Variants in FREM2 observed in about 807,000 individuals in gnomAD.
FREM2 encodes the protein FRAS1-related extracellular matrix protein 2.
FREM2 carries 119 observed loss-of-function variants against 219.9 expected under a neutral mutation model. That is an observed-to-expected ratio of 0.54 (90% CI 0.47 to 0.63). FREM2 has a LOEUF of 0.63. Ranked by LOEUF, FREM2 falls within the 30% of genes least tolerant of loss-of-function variation. The probability of loss-of-function intolerance (pLI) is 0.00; values close to 1 mark genes in which losing one functional copy is unlikely to be tolerated. For synonymous variants in FREM2, 1,562 were observed against 1,522.8 expected, an observed-to-expected ratio of 1.03 and a Z score of -0.60; for missense variants, 4,030 against 3,993.6, an observed-to-expected ratio of 1.01 and a Z score of -0.25.
At chr13:38,722,159 C>T (rs533473180) in intron 2 of FREM2, among the ~76,000 whole-genome samples, 3 of 151,962 alleles carry the variant, frequency 2.0e-5, no homozygotes, top group East Asian at 1.9e-4. Flanking sequence ...AGCTGAGCAC[C>T]GTGCCTGGTT....
At chr13:38,833,903 A>G (rs1262959884) in intron 6 of FREM2, among the ~76,000 whole-genome samples, 1 of 152,092 alleles carries the variant, frequency 6.6e-6, no homozygotes, top group Non-Finnish European at 1.5e-5. Context: ...GTTCTGCTTC[A>G]TTTTTAGTCC....
chr13:38,810,726 T>A (rs1282457716), intron 6 of FREM2, among the ~76,000 whole-genome samples: 1 of 152,032 alleles, frequency 6.6e-6, no homozygotes, highest in Non-Finnish European at 1.5e-5. Flanking sequence ...TTCTAGTATT[T>A]CATTGAGGAT....
chr13:38,688,659 C>T lies in FREM2; in HGVS notation c.1315C>T (p.Pro439Ser). 6.2e-7 allele frequency: 1 copy of T among 1,614,164 alleles called. No individual in the cohort carries two copies. Among genetic ancestry groups the T allele is most frequent in the Non-Finnish European group, 8.5e-7 (1 of 1,180,024 alleles). ...VVVKPMNTMA[P>S]VVTRNTGLIL... Reference sequence around the variant, plus strand: ...GGTGAAGCCCATGAACACAATGGCTCCGGTGGTCACCCGGAATACCGGTCT... The same window carrying T: ...GGTGAAGCCCATGAACACAATGGCTTCGGTGGTCACCCGGAATACCGGTCT... Residue 439 changes from proline (P) to serine (S), a missense_variant, in exon 1 of 24, where the codon CCG (proline) becomes TCG (serine). Pro to Ser is a moderately conservative substitution (Grantham distance 74). Transcript: ENST00000280481.
chr13:38,857,890 G>C lies in FREM2; in HGVS notation c.7072G>C (p.Val2358Leu), dbSNP rs2137918799. ...TTCCTTCTAGTTGACGAAAGCCATT[G>C]TGTACATAGAAGAAATGAGCAGCAT... ...IAEMQLTKAIVYIEEMSSMAD... is the reference protein window; with the variant it reads ...IAEMQLTKAILYIEEMSSMAD... Residue 2358 changes from valine (V) to leucine (L), a missense_variant, in exon 13 of 24, where the codon GTG becomes CTG. Transcript: ENST00000280481. 6.2e-7 allele frequency: 1 copy of C among 1,613,660 alleles called. No homozygotes were observed. Among genetic ancestry groups the C allele is most frequent in the Non-Finnish European group, 8.5e-7 (1 of 1,179,574 alleles).
At chr13:38,775,556 A>AT (rs1873839485) in intron 4 of FREM2, among the ~76,000 whole-genome samples, 1 of 152,220 alleles carries the variant, frequency 6.6e-6, no homozygotes, top group Non-Finnish European at 1.5e-5. Context: ...CTTTCTGGAA[A>AT]TTTCTCCATT....
At position 38,880,402 on chromosome 13, in the gene FREM2, A is replaced by G. The variant is rs200408567; in HGVS notation, c.9125A>G (p.Lys3042Arg). Residue 3042 changes from lysine (K) to arginine (R), a missense_variant, in exon 24 of 24, where the codon AAG (lysine) becomes AGG (arginine). By Grantham distance (26) the Lys-to-Arg change is conservative. Around this residue, in one of 2 missense-constraint regions of FREM2, gnomAD observed 928 missense variants for 1,042.9 expected, o/e 0.89. Transcript: ENST00000280481. Reference protein sequence around the residue: ...VEYHSLVSQGKPQSTTKSRKK... With the variant: ...VEYHSLVSQGRPQSTTKSRKK... ...TACCATTCTCTGGTGAGTCAAGGAA[A>G]GCCCCAATCCACCACCAAGAGCCGG... 49 of 1,614,050 alleles carry G rather than the reference A, an allele frequency of 3.0e-5. No individual in the cohort carries two copies. Among genetic ancestry groups the G allele is most frequent in the Non-Finnish European group, 4.2e-5 (49 of 1,180,034 alleles).
chr13:38,689,018 C>G lies in FREM2; in HGVS notation c.1674C>G (p.Asp558Glu), dbSNP rs774352198. 1 of 1,613,920 alleles carries G rather than the reference C, an allele frequency of 6.2e-7. No homozygotes were observed. The highest frequency in any genetic ancestry group is 8.5e-7 in the Non-Finnish European group (1 of 1,179,916). ...CCATCACCTTAGTGCCTGTGGATGA[C>G]CAGCCACCTGTTCTCAATGCCAACA... Reference protein sequence around the residue: ...LFPITLVPVDDQPPVLNANTG... With the variant: ...LFPITLVPVDEQPPVLNANTG... The change falls in exon 1 of 24, where the codon GAC becomes GAG. Residue 558 changes from aspartate (D) to glutamate (E), a missense_variant. Physicochemically the swap from Asp to Glu is conservative, Grantham distance 45 (BLOSUM62 2). Transcript: ENST00000280481.
At chr13:38,822,653 A>G (rs1876113517) in intron 6 of FREM2, among the ~76,000 whole-genome samples, 1 of 151,984 alleles carries the variant, frequency 6.6e-6, no homozygotes, top group South Asian at 2.1e-4. Context: ...CCTCCCAACA[A>G]ACCTAGCATG....
intron 3 of FREM2, among the ~76,000 whole-genome samples, chr13:38,764,818 CTAA>C (rs1873370613): frequency 6.6e-6 from 1 of 152,202 alleles, no homozygotes; most frequent in African/African-American, 2.4e-5. Context: ...TTGTTAAATA[CTAA>C]TGATTTTCTT....
chr13:38,796,355 A>G (rs1309812080), intron 6 of FREM2, among the ~76,000 whole-genome samples: 1 of 152,160 alleles, frequency 6.6e-6, no homozygotes, highest in Non-Finnish European at 1.5e-5. Context: ...GGGGCTGGGT[A>G]TTGTGTCTTC....
intron 4 of FREM2, chr13:38,779,661 A>G (rs1208456367): frequency 6.6e-6 from 1 of 152,220 alleles, no homozygotes; most frequent in African/African-American, 2.4e-5. Flanking sequence ...ATAAATGCCT[A>G]TGCCCGGTGT....
At chr13:38,839,067 T>C (rs1039914391) in intron 6 of FREM2, among the ~76,000 whole-genome samples, 3 of 152,206 alleles carry the variant, frequency 2.0e-5, no homozygotes, top group Non-Finnish European at 4.4e-5. Flanking sequence ...TCAGCCTCTT[T>C]GTGCTGATTT....
In FREM2 at chr13:38,689,043, A is replaced by G. The variant is rs1869657400; in HGVS notation, c.1699A>G (p.Thr567Ala). Residue 567 changes from threonine to alanine, a missense_variant, in exon 1 of 24, where the codon ACG (threonine) becomes GCG (alanine). Physicochemically the swap from Thr to Ala is moderately conservative, Grantham distance 58. This residue lies in a region of FREM2 where 3,102 missense variants were observed against 2,950.7 expected (regional missense o/e 1.05). Transcript: ENST00000280481. ...CCAGCCACCTGTTCTCAATGCCAAC[A>G]CGGGGCTGACACTGGCAGAGGGTGA... ...DDQPPVLNAN[T>A]GLTLAEGETV... is the part of the protein sequence containing the mutation. 6.2e-7 allele frequency: 1 copy of G among 1,613,590 alleles called. No homozygotes were observed. Among genetic ancestry groups the G allele is most frequent in the Admixed American group, 1.7e-5 (1 of 59,990 alleles).
At chr13:38,759,661 A>G (rs368960268) in intron 2 of FREM2, among the ~76,000 whole-genome samples, 40 of 152,294 alleles carry the variant, frequency 2.6e-4, no homozygotes, top group African/African-American at 7.9e-4. Flanking sequence ...TTTTTTTCCA[A>G]TGAGGTGCTG....
At chr13:38,751,883 T>C (rs1306589316) in intron 2 of FREM2, among the ~76,000 whole-genome samples, 1 of 150,676 alleles carries the variant, frequency 6.6e-6, no homozygotes, top group Admixed American at 6.6e-5. Context: ...TGTGTGTGTG[T>C]GTGTGTGTGT....
chr13:38,727,797 C>T (rs912314178), intron 2 of FREM2, among the ~76,000 whole-genome samples: 3 of 150,338 alleles, frequency 2.0e-5, no homozygotes, highest in Non-Finnish European at 4.4e-5. Flanking sequence ...TTCTGTTTTG[C>T]TTCTGGCAAT....
chr13:38,689,326 A>G lies in FREM2; in HGVS notation c.1982A>G (p.His661Arg), dbSNP rs1377532474. The G allele has an allele frequency of 4.3e-6, 7 of 1,614,074 alleles. No homozygotes were observed. Among genetic ancestry groups the G allele is most frequent in the Non-Finnish European group, 5.9e-6 (7 of 1,179,970 alleles). Residue 661 changes from histidine to arginine, a missense_variant, in exon 1 of 24, where the codon CAT (histidine) becomes CGT (arginine). This residue lies in a region of FREM2 where 3,102 missense variants were observed against 2,950.7 expected (regional missense o/e 1.05). Transcript: ENST00000280481. Reference protein sequence around the residue: ...GRLFYRHSGPHSPGPVTDQFT... With the variant: ...GRLFYRHSGPRSPGPVTDQFT... ...CTGTTCTATAGACACTCTGGGCCCC[A>G]TAGTCCTGGGCCAGTCACAGACCAG...
chr13:38,755,932 A>G (rs527636535), intron 2 of FREM2, among the ~76,000 whole-genome samples: 3 of 152,194 alleles, frequency 2.0e-5, no homozygotes, highest in Non-Finnish European at 4.4e-5. Context: ...GGGAGCCAGT[A>G]CACCCTTCAC....
At chr13:38,752,075 C>A (rs1872797000) in intron 2 of FREM2, among the ~76,000 whole-genome samples, 1 of 152,156 alleles carries the variant, frequency 6.6e-6, no homozygotes, top group Non-Finnish European at 1.5e-5. Context: ...GCTAGCTTCG[C>A]AAAACTAATC....
Sources: gnomAD v4.1 joint callset for allele counts (sites outside exome capture counted in the v4.1 genomes callset) on GRCh38, gnomAD v4.1.1 for gene constraint, gnomAD v4.1.1 regional missense constraint, MANE v1.5 for transcripts, NCBI Gene and HGNC (gene_info 2026-07-23, HGNC 2026-07-21) for gene names.